Variants in PRMT9 observed in about 807,000 individuals in gnomAD.
PRMT9 encodes protein arginine methyltransferase 9.
A neutral mutation model predicts 83.2 loss-of-function variants in PRMT9; 59 were observed. The observed-to-expected ratio is 0.71, with a 90% CI of 0.57 to 0.88. The LOEUF (loss-of-function observed/expected upper bound fraction) is 0.88, where lower values mean the gene tolerates loss of function less well. Ranked by LOEUF, PRMT9 falls within the 40% of genes least tolerant of loss-of-function variation. The pLI is 0.00. For missense variants in PRMT9, 947 were observed against 1,021.9 expected (o/e 0.93, Z 1.00); for synonymous variants, 333 against 353.2 (o/e 0.94, Z 0.64).
chr4:147,666,869 C>G (rs185586047), intron 6 of PRMT9, among the ~76,000 whole-genome samples: 1 of 148,068 alleles, frequency 6.8e-6, no homozygotes, highest in Non-Finnish European at 1.5e-5. Context: ...TTCATCCAGA[C>G]CTACACCTAT....
At chr4:147,652,732 CA>C (rs11345617) in intron 9 of PRMT9, among the ~76,000 whole-genome samples, 134,203 of 138,730 alleles carry the variant, frequency 0.97, 64,999 homozygotes, top group East Asian at 1. Context: ...AACGAAAAAA[CA>C]AAAAAAAAAA....
In PRMT9 at chr4:147,660,919, C is replaced by A; in HGVS notation, c.1073G>T (p.Ser358Ile). ...AGCCAAATATCCTCCAGGAACTCGA[C>A]TCATCTTTTCAGTTGTATAAGGTTC... ...TIEPYTTEKM[S>I]RVPGGYLALT... Residue 358 changes from serine (S) to isoleucine (I), a missense_variant, in exon 7 of 12, where the codon AGT becomes ATT. Coordinates refer to ENST00000322396, the MANE Select transcript of PRMT9 (RefSeq NM_138364.4). 6.2e-7 allele frequency: 1 copy of A among 1,613,664 alleles called. No individual in the cohort carries two copies. Among genetic ancestry groups the A allele is most frequent in the Non-Finnish European group, 8.5e-7 (1 of 1,179,656 alleles).
chr4:147,671,190 A>G (rs796189611), intron 4 of PRMT9, among the ~76,000 whole-genome samples: 3 of 152,284 alleles, frequency 2.0e-5, no homozygotes, highest in African/African-American at 7.2e-5. Context: ...CCTCTTTCTC[A>G]GTTATCATTT....
rs192388676 is a variant in PRMT9, at chr4:147,660,487, G to A, written c.1146+359C>T. ...TCTACTAAAAATATAAAAATTAGCC[G>A]GGCACAGTGGTACATGCCTGTAGTC... is the stretch of plus-strand genomic sequence containing the variant. On this transcript the variant is annotated intron_variant, in intron 7 of 11. Coordinates refer to ENST00000322396, the MANE Select transcript of PRMT9 (RefSeq NM_138364.4). Among the ~76,000 whole-genome samples the A allele has an allele frequency of 2.8e-4, 43 of 152,160 alleles. No homozygotes were observed. In the East Asian group the frequency reaches 7.6e-3, roughly 27 times the overall value.
chr4:147,644,656 T>C (rs1021137882), intron 9 of PRMT9, among the ~76,000 whole-genome samples: 2 of 151,698 alleles, frequency 1.3e-5, no homozygotes, highest in Non-Finnish European at 2.9e-5. Flanking sequence ...TGGGCTTCCC[T>C]GAGAGTGTAA....
intron 1 of PRMT9, among the ~76,000 whole-genome samples, chr4:147,681,858 G>A (rs1389820760): frequency 6.6e-6 from 1 of 151,910 alleles, no homozygotes; most frequent in Admixed American, 6.6e-5. Flanking sequence ...TGGTGTGGCC[G>A]GAGTTTGGGT....
intron 2 of PRMT9, among the ~76,000 whole-genome samples, chr4:147,679,389 T>G (rs1736306442): frequency 6.6e-6 from 1 of 151,644 alleles, no homozygotes. Flanking sequence ...AAGGTTGCCA[T>G]GAGCCATGAT....
intron 1 of PRMT9, among the ~76,000 whole-genome samples, chr4:147,682,846 C>T (rs560256881): frequency 6.6e-6 from 1 of 152,294 alleles, no homozygotes; most frequent in South Asian, 2.1e-4. Flanking sequence ...CTAGACGCTA[C>T]TGACATTTAG....
At chr4:147,679,445 C>CAA (rs1309244258) in intron 2 of PRMT9, among the ~76,000 whole-genome samples, 2 of 140,086 alleles carry the variant, frequency 1.4e-5, no homozygotes, top group African/African-American at 2.6e-5. Flanking sequence ...CACACTGTCT[C>CAA]AAAAAAAAAA....
chr4:147,646,953 T>C (rs1175865417), intron 9 of PRMT9, among the ~76,000 whole-genome samples: 1 of 152,140 alleles, frequency 6.6e-6, no homozygotes, highest in African/African-American at 2.4e-5. Context: ...GACCCAGGCA[T>C]AGGGTAAGCT....
At chr4:147,649,552 G>C (rs1305424716) in intron 9 of PRMT9, among the ~76,000 whole-genome samples, 1 of 152,066 alleles carries the variant, frequency 6.6e-6, no homozygotes, top group Non-Finnish European at 1.5e-5. Flanking sequence ...CCCAGAGCTG[G>C]AGTGCAATGG....
intron 8 of PRMT9, 29 bp downstream of exon 8, chr4:147,657,762 AG>A: frequency 6.4e-7 from 1 of 1,562,368 alleles, no homozygotes; most frequent in Non-Finnish European, 8.8e-7. Flanking sequence ...TTAAAGCAAG[AG>A]GTTAAAAAAA....
intron 2 of PRMT9, among the ~76,000 whole-genome samples, chr4:147,677,800 C>T (rs1376311108): frequency 1.3e-5 from 2 of 152,004 alleles, no homozygotes; most frequent in Non-Finnish European, 2.9e-5. Flanking sequence ...AAATTCTACA[C>T]ATCAAATCTC....
chr4:147,654,655 C>A, intron 8 of PRMT9, 89 bp from the exon 9 acceptor site: 1 of 822,086 alleles, frequency 1.2e-6, no homozygotes, highest in South Asian at 1.4e-5. Flanking sequence ...TCTAGCCCCC[C>A]ATTCTTTAGA....
intron 4 of PRMT9, among the ~76,000 whole-genome samples, chr4:147,671,320 T>C (rs1410258395): frequency 1.3e-5 from 2 of 152,176 alleles, no homozygotes; most frequent in African/African-American, 2.4e-5. Flanking sequence ...GCCTCTCTTA[T>C]CACTTCTCTT....
chr4:147,651,909 G>T (rs1734121096), intron 9 of PRMT9, among the ~76,000 whole-genome samples: 1 of 152,112 alleles, frequency 6.6e-6, no homozygotes, highest in African/African-American at 2.4e-5. Context: ...ATGTAACGAG[G>T]TGAATATACT....
At chr4:147,643,741 TC>T (rs1490232186) in intron 9 of PRMT9, among the ~76,000 whole-genome samples, 1 of 152,182 alleles carries the variant, frequency 6.6e-6, no homozygotes, top group Non-Finnish European at 1.5e-5. Flanking sequence ...ATGCCTATAA[TC>T]CCAATACTTT....
At chr4:147,661,789 C>CAA (rs70958573) in intron 6 of PRMT9, among the ~76,000 whole-genome samples, 49,939 of 60,434 alleles carry the variant, frequency 0.83, 21,327 homozygotes, top group South Asian at 0.89. Flanking sequence ...GACTCCATCT[C>CAA]AAAAAAAAAA....
At chr4:147,648,211 G>C (rs987347353) in intron 9 of PRMT9, among the ~76,000 whole-genome samples, 4 of 152,052 alleles carry the variant, frequency 2.6e-5, no homozygotes, top group Admixed American at 1.3e-4. Context: ...CCTAGGTTGG[G>C]GGCTAAAAGA....
Sources: allele counts gnomAD v4.1 joint callset (sites outside exome capture counted in the v4.1 genomes callset), GRCh38; gene constraint gnomAD v4.1.1; transcripts MANE v1.5; gene names NCBI Gene and HGNC (gene_info 2026-07-23, HGNC 2026-07-21).